The following PNPLA7 variants were observed in gnomAD, a reference collection of about 807,000 sequenced individuals.
PNPLA7 encodes the protein patatin like domain 7, lysophospholipase, also known as patatin-like phospholipase domain-containing protein 7.
In PNPLA7, 153 loss-of-function variants were observed where a neutral mutation model predicts 161.7. The observed-to-expected ratio is 0.95, with a 90% CI of 0.83 to 1.08. The LOEUF (loss-of-function observed/expected upper bound fraction) is 1.08. Among genes scored for constraint, PNPLA7 ranks in the 50% least tolerant of loss-of-function variants. PNPLA7 has a pLI of 0.00. For synonymous variants in PNPLA7, 809 were observed against 782.1 expected (o/e 1.03, Z -0.57); for missense variants, 1,739 against 1,856.6 (o/e 0.94, Z 1.16).
chr9:137,469,847 T>C (rs751683509), intron 25 of PNPLA7, among the ~76,000 whole-genome samples: 3 of 151,784 alleles, frequency 2.0e-5, no homozygotes, highest in Non-Finnish European at 4.4e-5. Flanking sequence ...GGAAAGAAAA[T>C]GGGAACATTG....
At chr9:137,461,401 C>A in intron 33 of PNPLA7, 135 bp downstream of exon 33, 1 of 998,244 alleles carries the variant, frequency 1.0e-6, no homozygotes, top group Non-Finnish European at 1.4e-6. Context: ...CACCAAGCAC[C>A]CCAGCTGCTG....
intron 1 of PNPLA7, among the ~76,000 whole-genome samples, chr9:137,549,392 A>C (rs187659299): frequency 0.034 from 5,193 of 151,846 alleles, 136 homozygotes; most frequent in South Asian, 0.078. Flanking sequence ...ACAGTGAAAC[A>C]CCGTCTCTAC....
intron 8 of PNPLA7, among the ~76,000 whole-genome samples, chr9:137,530,260 T>G (rs1835521604): frequency 6.6e-6 from 1 of 152,234 alleles, no homozygotes; most frequent in African/African-American, 2.4e-5. Context: ...CCACCGCACC[T>G]GGCCTTGAAG....
In PNPLA7 at chr9:137,495,021, C is replaced by T. The variant is rs753718609; in HGVS notation, c.2127+12G>A. The T allele has an allele frequency of 1.2e-5, 19 of 1,601,870 alleles. No homozygotes were observed. The highest frequency in any genetic ancestry group is 1.7e-4 in the Middle Eastern group (1 of 6,024). ...CTCATCCGCTCCGCATCCTCACCCA[C>T]GCCATGCTCACCTGTGGGTACCTGC... On this transcript the variant is annotated intron_variant, in intron 19 of 34. Transcript: ENST00000406427.
At chr9:137,519,741 G>A (rs1243238975) in intron 11 of PNPLA7, among the ~76,000 whole-genome samples, 176 bp downstream of exon 11, 1 of 151,796 alleles carries the variant, frequency 6.6e-6, no homozygotes, top group Admixed American at 6.6e-5. Context: ...AGACCTGGGG[G>A]GCATGTGAGG....
Position 137,479,118 on chromosome 9 carries a change from A to C in PNPLA7, c.2701T>G (p.Ser901Ala). ...VEWLNMRSWC[S>A]GHLHLCCPRR... is the part of the protein sequence containing the mutation. ...GGGCAGCAGAGGTGCAGGTGGCCGG[A>C]GCACCAGCTCCGCATGTTGAGCCAC... Residue 901 changes from serine to alanine, a missense_variant, in exon 24 of 35, where the codon TCC becomes GCC. Physicochemically the swap from Ser to Ala is moderately conservative, Grantham distance 99. This residue lies in a region of PNPLA7 where 703 missense variants were observed against 694.6 expected (regional missense o/e 1.01). Coordinates refer to ENST00000406427, the MANE Select transcript of PNPLA7 (RefSeq NM_001098537.3). The C allele has an allele frequency of 1.3e-6, 2 of 1,598,642 alleles. No individual in the cohort carries two copies. The highest frequency in any genetic ancestry group is 8.5e-7 in the Non-Finnish European group (1 of 1,173,800).
At chr9:137,461,061 A>G in intron 33 of PNPLA7, 3 of 379,778 alleles carry the variant, frequency 7.9e-6, no homozygotes, top group Non-Finnish European at 1.5e-5. Flanking sequence ...TGCCTTGCCC[A>G]GGGCCCTCTC....
At chr9:137,470,828 C>T (rs1441783520) in intron 25 of PNPLA7, among the ~76,000 whole-genome samples, 1 of 152,194 alleles carries the variant, frequency 6.6e-6, no homozygotes, top group African/African-American at 2.4e-5. Context: ...AACACATTAA[C>T]AGATTAAAGA....
Position 137,462,172 on chromosome 9 carries a change from C to T in PNPLA7, c.3645+7G>A. 2 of 1,559,438 alleles carry T rather than the reference C, an allele frequency of 1.3e-6. No individual in the cohort carries two copies. The highest frequency in any genetic ancestry group is 8.7e-7 in the Non-Finnish European group (1 of 1,148,898). ...CGCCTCCGCCGCCGCGGGTGGCCGG[C>T]ACTCACGCAGATCTCGTTGAACTTG... is the stretch of plus-strand genomic sequence containing the variant. On this transcript the variant is annotated splice_region_variant and intron_variant, in intron 31 of 34. Coordinates refer to ENST00000406427, the MANE Select transcript of PNPLA7 (RefSeq NM_001098537.3).
chr9:137,469,060 A>G (rs1831601864), intron 25 of PNPLA7, among the ~76,000 whole-genome samples: 1 of 152,212 alleles, frequency 6.6e-6, no homozygotes, highest in Non-Finnish European at 1.5e-5. Flanking sequence ...AAACAAAACA[A>G]AAACAAAAAC....
chr9:137,522,268 G>A (rs1835047497), intron 9 of PNPLA7, among the ~76,000 whole-genome samples: 1 of 151,206 alleles, frequency 6.6e-6, no homozygotes, highest in Non-Finnish European at 1.5e-5. Flanking sequence ...CAGAGACGGG[G>A]TTTCACCGTG....
At chr9:137,522,115 C>T (rs1052992134) in intron 9 of PNPLA7, among the ~76,000 whole-genome samples, 5 of 152,196 alleles carry the variant, frequency 3.3e-5, no homozygotes, top group Admixed American at 3.3e-4. Context: ...CGCTATGCCG[C>T]CCAGGCTGGA....
At position 137,464,990 on chromosome 9, in the gene PNPLA7, G is replaced by A. The variant is rs933468511; in HGVS notation, c.3040-534C>T. Among the ~76,000 whole-genome samples, 3 of 152,218 alleles carry A rather than the reference G, an allele frequency of 2.0e-5. 1 individual carries two copies. In the South Asian group the frequency reaches 6.2e-4, roughly 31 times the overall value. On this transcript the variant is annotated intron_variant, in intron 26 of 34. Transcript: ENST00000406427. ...TCTTGGGTTCCTTCTGGGTGGGCCTGGGGCCCATCCTTCCTCAGTGAGGCA... is the reference window on the plus strand; with the variant it reads ...TCTTGGGTTCCTTCTGGGTGGGCCTAGGGCCCATCCTTCCTCAGTGAGGCA...
In PNPLA7 at chr9:137,486,511, C is replaced by T. The variant is rs1164903576; in HGVS notation, c.2198-1775G>A. On this transcript the variant is annotated intron_variant, in intron 20 of 34. Coordinates refer to ENST00000406427, the MANE Select transcript of PNPLA7 (RefSeq NM_001098537.3). This position sits in a 1 kb window ranked among gnomAD's most constrained non-coding sequence, Gnocchi z 6.0. ...GCCTCCCAAAAGAAAAACACCCGTACCTGTATGCAGGCAGAAACAGATAAA... is the reference window on the plus strand; with the variant it reads ...GCCTCCCAAAAGAAAAACACCCGTATCTGTATGCAGGCAGAAACAGATAAA... 6.6e-6 allele frequency among the ~76,000 whole-genome samples: 1 copy of T among 152,174 alleles called. No homozygotes were observed. Among genetic ancestry groups the T allele is most frequent in the Non-Finnish European group, 1.5e-5 (1 of 68,046 alleles).
Position 137,539,902 on chromosome 9 carries a change from C to T in PNPLA7, c.747+740G>A, listed in dbSNP as rs189497669. Among the ~76,000 whole-genome samples the T allele has an allele frequency of 8.1e-4, 124 of 152,262 alleles. 1 individual carries two copies. Among genetic ancestry groups the T allele is most frequent in the African/African-American group, 2.9e-3 (120 of 41,552 alleles). On this transcript the variant is annotated intron_variant, in intron 8 of 34. Transcript: ENST00000406427. ...CCGGGTTCATGCGATTCTCCTGCCTCAGCCTCCCAAGTAGCTGGGATTACT... is the reference window on the plus strand; with the variant it reads ...CCGGGTTCATGCGATTCTCCTGCCTTAGCCTCCCAAGTAGCTGGGATTACT...
chr9:137,522,290 G>A lies in PNPLA7; in HGVS notation c.876+439C>T, dbSNP rs565906599. Among the ~76,000 whole-genome samples the A allele has an allele frequency of 1.3e-4, 20 of 149,656 alleles. No homozygotes were observed. The East Asian group carries it at 2.0e-3, about 15-fold the overall frequency. On this transcript the variant is annotated intron_variant, in intron 9 of 34. Coordinates refer to ENST00000406427, the MANE Select transcript of PNPLA7 (RefSeq NM_001098537.3). ...GGGGTTTCACCGTGTGAGCCAGGAT[G>A]GTCTCGATCTCCTGACCTCGTGATC...
At chr9:137,532,704 G>A (rs978986630) in intron 8 of PNPLA7, among the ~76,000 whole-genome samples, 3 of 152,140 alleles carry the variant, frequency 2.0e-5, no homozygotes, top group Middle Eastern at 3.2e-3. Flanking sequence ...GAGCCAGAAC[G>A]AGGCTAACAT....
At chr9:137,522,697 A>G in intron 9 of PNPLA7, 32 bp downstream of exon 9, 5 of 1,611,482 alleles carry the variant, frequency 3.1e-6, no homozygotes, top group Non-Finnish European at 4.2e-6. Context: ...GACCCACAGC[A>G]GCTAGAAGAG....
In PNPLA7 at chr9:137,480,958, A is replaced by T; in HGVS notation, c.2411+2T>A. The T allele has an allele frequency of 1.3e-6, 2 of 1,551,452 alleles. No individual in the cohort carries two copies. Among genetic ancestry groups the T allele is most frequent in the East Asian group, 4.9e-5 (2 of 40,910 alleles). ...GAAGGAGTCGGGGCTGGCGGCACGCACCTGTCCAGGGCAGCGGAGCCAAGG... is the reference window on the plus strand; with the variant it reads ...GAAGGAGTCGGGGCTGGCGGCACGCTCCTGTCCAGGGCAGCGGAGCCAAGG... On this transcript the variant is annotated splice_donor_variant, in intron 22 of 34. Transcript: ENST00000406427. LOFTEE classifies it high-confidence loss of function.
Sources: gnomAD v4.1 joint callset for allele counts (sites outside exome capture counted in the v4.1 genomes callset) on GRCh38, gnomAD v4.1.1 for gene constraint, gnomAD v4.1.1 regional missense constraint, Gnocchi (gnomAD v3.1) non-coding constraint, MANE v1.5 for transcripts, NCBI Gene and HGNC (gene_info 2026-07-23, HGNC 2026-07-21) for gene names.